Variants in RAMP1 observed in about 807,000 individuals in gnomAD.
RAMP1 encodes receptor activity-modifying protein 1.
RAMP1 carries 7 observed loss-of-function variants against 8.2 expected under a neutral mutation model. The ratio of observed to expected loss-of-function variants is 0.85; its 90% CI spans 0.49 to 1.60. The LOEUF (loss-of-function observed/expected upper bound fraction) is 1.60. RAMP1 is among the 40% of genes most tolerant of loss of function. The pLI, the probability that RAMP1 is intolerant of heterozygous loss-of-function variation, is 0.00. For missense variants in RAMP1, 192 were observed against 202.4 expected, an observed-to-expected ratio of 0.95 and a Z score of 0.31; for synonymous variants, 92 against 84.7, an observed-to-expected ratio of 1.09 and a Z score of -0.47.
At chr2:237,902,947 C>T (rs2062618801) in intron 2 of RAMP1, among the ~76,000 whole-genome samples, 1 of 152,340 alleles carries the variant, frequency 6.6e-6, no homozygotes, top group East Asian at 1.9e-4. Flanking sequence ...CTGTGTCCCC[C>T]TCCCATGTGG....
intron 2 of RAMP1, among the ~76,000 whole-genome samples, chr2:237,898,746 TC>T (rs1202702771): frequency 6.6e-6 from 1 of 152,212 alleles, no homozygotes; most frequent in African/African-American, 2.4e-5. Context: ...GCGTGGGCTT[TC>T]ACATCCCCAG....
At chr2:237,904,999 C>T (rs2151022728) in intron 2 of RAMP1, among the ~76,000 whole-genome samples, 1 of 152,226 alleles carries the variant, frequency 6.6e-6, no homozygotes, top group Non-Finnish European at 1.5e-5. Context: ...ACTTTCTTAC[C>T]AGCAAGTAAC....
intron 1 of RAMP1, among the ~76,000 whole-genome samples, chr2:237,874,460 G>T (rs2062279764): frequency 6.6e-6 from 1 of 152,228 alleles, no homozygotes; most frequent in South Asian, 2.1e-4. Context: ...AGCCACCAGG[G>T]TCCCTTTACC....
Position 237,904,941 on chromosome 2 carries a change from C to G in RAMP1, c.192-6587C>G, listed in dbSNP as rs529188555. ...GGGTAGCTGGGGGACAACTGCAACC[C>G]AGGGTGTCCCCAGAGTAGATGACTC... is the stretch of plus-strand genomic sequence containing the variant. On this transcript the variant is annotated intron_variant, in intron 2 of 2. Transcript: ENST00000254661. Among the ~76,000 whole-genome samples, 4 of 152,194 alleles carry G rather than the reference C, an allele frequency of 2.6e-5. No homozygotes were observed. In the East Asian group the frequency reaches 7.7e-4, roughly 29 times the overall value.
chr2:237,877,127 C>G lies in RAMP1; in HGVS notation c.53-97C>G. The G allele has an allele frequency of 4.6e-6, 7 of 1,532,546 alleles. No individual in the cohort carries two copies. In the South Asian group the frequency reaches 7.9e-5, roughly 17 times the overall value. The allele number at this position is 1,532,546 out of a possible 1,614,324, so 94.9% of individuals were successfully genotyped here. On this transcript the variant is annotated intron_variant, in intron 1 of 2. Transcript: ENST00000254661. The surrounding 1 kb of genome is among the most constrained non-coding windows in gnomAD (Gnocchi z 4.4). ...CCAGGGGTTGCTTAGAGGCCCCGTTCTCGTGGAGTCCGGGCTGCAGGGGCG... is the reference window on the plus strand; with the variant it reads ...CCAGGGGTTGCTTAGAGGCCCCGTTGTCGTGGAGTCCGGGCTGCAGGGGCG...
rs1342305504 is a variant in RAMP1 at position 237,863,651 on chromosome 2, T to G, written c.52+3924T>G. On this transcript the variant is annotated intron_variant, in intron 1 of 2. Transcript: ENST00000254661. ...GAAAGGCATCACTTTAACCATCTTTTAAATCACGGCTTCTGGGTGGCTTTG... is the reference window on the plus strand; with the variant it reads ...GAAAGGCATCACTTTAACCATCTTTGAAATCACGGCTTCTGGGTGGCTTTG... 2.6e-5 allele frequency among the ~76,000 whole-genome samples: 4 copies of G among 152,274 alleles called. No individual in the cohort carries two copies. The East Asian group carries it at 7.7e-4, about 29-fold the overall frequency.
chr2:237,887,866 G>C (rs1368355146), intron 2 of RAMP1, among the ~76,000 whole-genome samples: 1 of 152,206 alleles, frequency 6.6e-6, no homozygotes, highest in Non-Finnish European at 1.5e-5. Flanking sequence ...AGGAGGTTGA[G>C]GTTGTGCCAC....
rs2062721061 is a variant in RAMP1, at chr2:237,911,965, CT to C, written c.*183del. On this transcript the variant is annotated 3_prime_UTR_variant, in exon 3 of 3. Coordinates refer to ENST00000254661, the MANE Select transcript of RAMP1 (RefSeq NM_005855.4). The stretch of plus-strand genomic sequence containing the variant: ...CTCTGGTATTAACCTGGAAGCCCCC[CT>C]GGCTGGAGGCCACCGCCACCCTAGG... 1 of 1,089,418 alleles carries C rather than the reference CT, an allele frequency of 9.2e-7. No homozygotes were observed. The highest frequency in any genetic ancestry group is 1.6e-5 in the African/African-American group (1 of 62,992). 67.5% of individuals were successfully genotyped at this position (1,089,418 alleles called of 1,614,324 possible).
intron 2 of RAMP1, among the ~76,000 whole-genome samples, chr2:237,892,411 A>G (rs528502182): frequency 9.3e-5 from 14 of 151,334 alleles, no homozygotes; most frequent in Admixed American, 4.0e-4. Context: ...GGCATGCACC[A>G]CATCATCTGC....
At chr2:237,879,007 T>C (rs1459445457) in intron 2 of RAMP1, among the ~76,000 whole-genome samples, 1 of 152,218 alleles carries the variant, frequency 6.6e-6, no homozygotes, top group African/African-American at 2.4e-5. Context: ...TCTACTGTAC[T>C]GAAGGTCTCT....
intron 2 of RAMP1, among the ~76,000 whole-genome samples, chr2:237,882,412 C>T (rs767889313): frequency 8.5e-5 from 13 of 152,232 alleles, no homozygotes; most frequent in Non-Finnish European, 1.6e-4. Context: ...ACGTAACGTA[C>T]ATTGGCTTTT....
intron 2 of RAMP1, among the ~76,000 whole-genome samples, chr2:237,905,771 G>A (rs904857043): frequency 3.3e-5 from 5 of 152,156 alleles, no homozygotes; most frequent in African/African-American, 4.8e-5. Flanking sequence ...AGCACTTTGG[G>A]AAGCCAAGGA....
At chr2:237,892,702 G>C (rs1396514710) in intron 2 of RAMP1, among the ~76,000 whole-genome samples, 4 of 152,092 alleles carry the variant, frequency 2.6e-5, no homozygotes, top group Admixed American at 2.0e-4. Flanking sequence ...TCCCCTGTGT[G>C]AGATGACAGG....
chr2:237,906,475 G>T (rs1414807774), intron 2 of RAMP1, among the ~76,000 whole-genome samples: 1 of 152,024 alleles, frequency 6.6e-6, no homozygotes, highest in Non-Finnish European at 1.5e-5. Context: ...AAGCCCCCAG[G>T]GGTCTCCTCA....
In RAMP1 at chr2:237,879,846, C is replaced by T. The variant is rs112709173; in HGVS notation, c.191+2484C>T. 7.7e-3 allele frequency among the ~76,000 whole-genome samples: 1,168 copies of T among 150,814 alleles called. 11 individuals carry two copies. Among genetic ancestry groups the T allele is most frequent in the African/African-American group, 0.027 (1,099 of 41,126 alleles). ...CTCTACTAAAAATATAAAAATTAGC[C>T]GGGCGTGGTAGCACACGCCTGTAAT... On this transcript the variant is annotated intron_variant, in intron 2 of 2. Transcript: ENST00000254661.
chr2:237,885,402 G>A (rs2062417912), intron 2 of RAMP1, among the ~76,000 whole-genome samples: 1 of 152,240 alleles, frequency 6.6e-6, no homozygotes, highest in African/African-American at 2.4e-5. Context: ...AGCATCAGGA[G>A]CTCCCAGTAC....
At chr2:237,897,479 G>A (rs1395693651) in intron 2 of RAMP1, among the ~76,000 whole-genome samples, 2 of 152,208 alleles carry the variant, frequency 1.3e-5, no homozygotes, top group Non-Finnish European at 2.9e-5. Flanking sequence ...TCTTCCTCCT[G>A]TTTCCTTGAA....
chr2:237,882,827 C>T (rs1196969700), intron 2 of RAMP1, among the ~76,000 whole-genome samples: 1 of 152,134 alleles, frequency 6.6e-6, no homozygotes, highest in Non-Finnish European at 1.5e-5. Flanking sequence ...GGCAGGCCAT[C>T]ACCAGGTGTG....
intron 2 of RAMP1, among the ~76,000 whole-genome samples, chr2:237,898,415 G>T (rs184691772): frequency 6.6e-6 from 1 of 152,104 alleles, no homozygotes; most frequent in South Asian, 2.1e-4. Flanking sequence ...ATTTAGGAAG[G>T]GTTTGATAGT....
Sources: allele counts gnomAD v4.1 joint callset (sites outside exome capture counted in the v4.1 genomes callset), GRCh38; gene constraint gnomAD v4.1.1; non-coding constraint Gnocchi (gnomAD v3.1); transcripts MANE v1.5; gene names NCBI Gene and HGNC (gene_info 2026-07-23, HGNC 2026-07-21).